The following DCX variants were observed in gnomAD, a reference collection of about 807,000 sequenced individuals.
DCX encodes the protein doublecortin, also known as neuronal migration protein doublecortin.
DCX carries 4 observed loss-of-function variants against 20.9 expected under a neutral mutation model. That is an observed-to-expected ratio of 0.19 (90% CI 0.09 to 0.44). The LOEUF is 0.44. DCX is among the 20% of genes least tolerant of loss of function. The pLI, the probability that DCX is intolerant of heterozygous loss-of-function variation, is 0.99. For synonymous variants in DCX, 103 were observed against 111.4 expected (o/e 0.92, Z 0.47); for missense variants, 133 against 296.9 (o/e 0.45, Z 4.06).
intron 3 of DCX, among the ~76,000 whole-genome samples, chrX:111,354,672 C>T (rs1412169921): frequency 1.8e-5 from 2 of 112,356 alleles, no homozygotes; most frequent in Admixed American, 1.9e-4. Context: ...TACAGGAAGA[C>T]AGAAATAGAC....
At chrX:111,378,862 T>C (rs1324127159) in intron 3 of DCX, among the ~76,000 whole-genome samples, 1 of 111,917 alleles carries the variant, frequency 8.9e-6, no homozygotes, top group Non-Finnish European at 1.9e-5. Flanking sequence ...GATTAAGCCA[T>C]GAAGGATTCT....
At chrX:111,403,825 C>T (rs1309667589) in intron 2 of DCX, among the ~76,000 whole-genome samples, 2 of 111,285 alleles carry the variant, frequency 1.8e-5, no homozygotes, top group East Asian at 2.8e-4. Flanking sequence ...GCAGGTGGAT[C>T]GCTTGAGATC....
chrX:111,386,016 G>C (rs1926479473), intron 3 of DCX, among the ~76,000 whole-genome samples: 1 of 111,551 alleles, frequency 9.0e-6, no homozygotes, highest in Admixed American at 9.5e-5. Context: ...TCGTGTTTAT[G>C]CTGTGTGTGT....
rs1467693516 is a variant in DCX, at chrX:111,368,901, T to TATACACACACACACAC, written c.705+32088_705+32089insGTGTGTGTGTGTGTAT. Among the ~76,000 whole-genome samples the TATACACACACACACAC allele has an allele frequency of 3.0e-3, 295 of 98,276 alleles. 4 individuals carry two copies. The highest frequency in any genetic ancestry group is 0.01 in the African/African-American group (272 of 26,510). The allele number at this position is 98,276 out of a possible 115,157, so 85.3% of individuals were successfully genotyped here. On this transcript the variant is annotated intron_variant, in intron 3 of 6. Coordinates refer to ENST00000636035, the MANE Select transcript of DCX (RefSeq NM_001195553.2). ...CTAATACGGGATATATATATATACA[T>TATACACACACACACAC]ACACACACACACACACACACACACA... is the stretch of plus-strand genomic sequence containing the variant.
In DCX at chrX:111,344,282, A is replaced by T. The variant is rs143405650; in HGVS notation, c.706-11129T>A. Among the ~76,000 whole-genome samples, 136 of 112,076 alleles carry T rather than the reference A, an allele frequency of 1.2e-3. 1 individual carries two copies. The East Asian group carries it at 0.036, about 29-fold the overall frequency. The stretch of plus-strand genomic sequence containing the variant: ...TTATAACAAACCCACAGCCAATATC[A>T]AATTAAATGGGCAAAAGCTAGAAGC... On this transcript the variant is annotated intron_variant, in intron 3 of 6. Transcript: ENST00000636035.
chrX:111,352,876 GA>G (rs1429036658), intron 3 of DCX, among the ~76,000 whole-genome samples: 64 of 94,254 alleles, frequency 6.8e-4, no homozygotes, highest in African/African-American at 2.6e-3. Context: ...AGAGAGAGAG[GA>G]GGCAATGCCT....
At position 111,295,842 on chromosome X, in the gene DCX, G is replaced by A. The variant is rs2095019250; in HGVS notation, c.*5845C>T. Reference sequence around the variant, plus strand: ...ATAAGGAAACTGCTTGTAAAGATCTGCTGAGGGGGATTACGAATGAAAATG... The same window carrying A: ...ATAAGGAAACTGCTTGTAAAGATCTACTGAGGGGGATTACGAATGAAAATG... On this transcript the variant is annotated 3_prime_UTR_variant, in exon 7 of 7. Coordinates refer to ENST00000636035, the MANE Select transcript of DCX (RefSeq NM_001195553.2). The A allele has an allele frequency of 8.9e-6, 1 of 111,953 alleles. No individual in the cohort carries two copies. The highest frequency in any genetic ancestry group is 1.9e-5 in the Non-Finnish European group (1 of 53,294). The allele number at this position is 111,953 out of a possible 1,213,427, so 9.2% of individuals were successfully genotyped here.
intron 3 of DCX, among the ~76,000 whole-genome samples, chrX:111,391,749 A>C (rs1448128007): frequency 9.0e-6 from 1 of 111,704 alleles, no homozygotes; most frequent in Non-Finnish European, 1.9e-5. Flanking sequence ...GTCGATGACA[A>C]CTGGGCTAAT....
At position 111,353,271 on chromosome X, in the gene DCX, C is replaced by T. The variant is rs149971689; in HGVS notation, c.706-20118G>A. On this transcript the variant is annotated intron_variant, in intron 3 of 6. Coordinates refer to ENST00000636035, the MANE Select transcript of DCX (RefSeq NM_001195553.2). ...AATGCTGTGTGATCATAGACTTAAA[C>T]GGTGTATGCCTCAGGTTCCTGACCT... Among the ~76,000 whole-genome samples the T allele has an allele frequency of 1.8e-3, 203 of 111,974 alleles. 1 individual carries two copies. The highest frequency in any genetic ancestry group is 3.2e-3 in the Non-Finnish European group (172 of 53,156).
intron 6 of DCX, among the ~76,000 whole-genome samples, chrX:111,303,958 A>T (rs944875017): frequency 2.7e-5 from 3 of 112,216 alleles, no homozygotes; most frequent in Non-Finnish European, 5.6e-5. Flanking sequence ...ATATTTAAAA[A>T]AACATATTTT....
At chrX:111,322,834 C>T (rs1183385759) in intron 5 of DCX, among the ~76,000 whole-genome samples, 1 of 112,440 alleles carries the variant, frequency 8.9e-6, no homozygotes, top group Non-Finnish European at 1.9e-5. Context: ...GACACTGTAA[C>T]TTCAGAAGAT....
chrX:111,391,511 C>G (rs1193832528), intron 3 of DCX, among the ~76,000 whole-genome samples: 1 of 111,558 alleles, frequency 9.0e-6, no homozygotes, highest in Non-Finnish European at 1.9e-5. Flanking sequence ...GCTTCATCTT[C>G]TGCTGTGTCT....
chrX:111,373,988 T>C lies in DCX; in HGVS notation c.705+27002A>G, dbSNP rs779854657. Among the ~76,000 whole-genome samples, 186 of 112,253 alleles carry C rather than the reference T, an allele frequency of 1.7e-3. 1 individual carries two copies. The highest frequency in any genetic ancestry group is 2.9e-3 in the Non-Finnish European group (156 of 53,179). Reference sequence around the variant, plus strand: ...TGGAATTAAATGCATTCTGTTTTATTCTGTCTTAGACAAGTCCAAGCTCCT... The same window carrying C: ...TGGAATTAAATGCATTCTGTTTTATCCTGTCTTAGACAAGTCCAAGCTCCT... On this transcript the variant is annotated intron_variant, in intron 3 of 6. Transcript: ENST00000636035.
At chrX:111,303,500 T>C (rs1276540883) in intron 6 of DCX, among the ~76,000 whole-genome samples, 2 of 111,239 alleles carry the variant, frequency 1.8e-5, no homozygotes, top group East Asian at 5.7e-4. Context: ...TTATTTAACA[T>C]TGGGAATTTA....
Position 111,410,293 on chromosome X carries a change from T to C in DCX, c.106A>G (p.Ser36Gly). The part of the protein sequence containing the change: ...LPSPTHSAHC[S>G]FYRTRTLQAL... ...TGCAAGGTTCTGGTTCGGTAGAAGC[T>C]ACAGTGGGCGCTGTGAGTGGGGCTA... is the stretch of plus-strand genomic sequence containing the variant. The change falls in exon 2 of 7, where the codon AGC becomes GGC. Residue 36 changes from serine (S) to glycine (G), a missense_variant. Coordinates refer to ENST00000636035, the MANE Select transcript of DCX (RefSeq NM_001195553.2). The C allele has an allele frequency of 8.3e-7, 1 of 1,211,620 alleles. No individual in the cohort carries two copies. The highest frequency in any genetic ancestry group is 1.1e-6 in the Non-Finnish European group (1 of 895,521).
At chrX:111,350,850 G>C (rs1273606793) in intron 3 of DCX, among the ~76,000 whole-genome samples, 4 of 112,143 alleles carry the variant, frequency 3.6e-5, no homozygotes, top group Non-Finnish European at 5.6e-5. Context: ...CACATGGCTG[G>C]GGAGGCCTTA....
chrX:111,363,314 C>G (rs1440154917), intron 3 of DCX, among the ~76,000 whole-genome samples: 3 of 110,450 alleles, frequency 2.7e-5, no homozygotes, highest in Middle Eastern at 4.7e-3. Flanking sequence ...CAGAAGATGT[C>G]CCCCAGCCAT....
intron 5 of DCX, among the ~76,000 whole-genome samples, chrX:111,313,062 G>A (rs1366651286): frequency 9.0e-6 from 1 of 111,146 alleles, no homozygotes; most frequent in Admixed American, 9.6e-5. Flanking sequence ...CTGGGAGGTA[G>A]TCTGGGAAGG....
chrX:111,327,288 C>A (rs1335174006), intron 5 of DCX, among the ~76,000 whole-genome samples: 1 of 111,931 alleles, frequency 8.9e-6, no homozygotes, highest in African/African-American at 3.2e-5. Context: ...ACTACCATGT[C>A]CTAGAAATGA....
Sources: allele counts gnomAD v4.1 joint callset (sites outside exome capture counted in the v4.1 genomes callset), GRCh38; gene constraint gnomAD v4.1.1; transcripts MANE v1.5; gene names NCBI Gene and HGNC (gene_info 2026-07-23, HGNC 2026-07-21).